DNAH5: variants seen among roughly 807,000 people sequenced by gnomAD.
DNAH5 encodes the protein axonemal beta dynein heavy chain 5.
In DNAH5, 372 loss-of-function variants were observed where a neutral mutation model predicts 518.2. That is an observed-to-expected ratio of 0.72 (90% CI 0.66 to 0.78). The LOEUF (loss-of-function observed/expected upper bound fraction) is 0.78. DNAH5 is among the 30% of genes least tolerant of loss of function. The probability of loss-of-function intolerance (pLI) is 0.00; values close to 1 mark genes in which losing one functional copy is unlikely to be tolerated. For missense variants in DNAH5, 5,523 were observed against 5,687.0 expected (o/e 0.97, Z 0.93); for synonymous variants, 2,039 against 2,025.9 (o/e 1.01, Z -0.17).
At chr5:13,973,960 A>G (rs1782053773) in intron 1 of DNAH5, among the ~76,000 whole-genome samples, 1 of 152,106 alleles carries the variant, frequency 6.6e-6, no homozygotes, top group African/African-American at 2.4e-5. Context: ...GCCAAGGATA[A>G]TTATCTAAAA....
At chr5:13,971,448 C>CT (rs1489901228) in intron 1 of DNAH5, among the ~76,000 whole-genome samples, 2 of 152,128 alleles carry the variant, frequency 1.3e-5, no homozygotes, top group East Asian at 3.9e-4. Context: ...TGTTCAGATT[C>CT]TTTTGTCCCA....
At chr5:13,935,828 G>C (rs564831601) in intron 1 of DNAH5, among the ~76,000 whole-genome samples, 12 of 152,130 alleles carry the variant, frequency 7.9e-5, no homozygotes, top group African/African-American at 2.9e-4. Flanking sequence ...GAAACACCTA[G>C]GACACTTGGA....
chr5:13,724,193 C>G (rs553998739), intron 70 of DNAH5, among the ~76,000 whole-genome samples: 1 of 152,380 alleles, frequency 6.6e-6, no homozygotes, highest in African/African-American at 2.4e-5. Flanking sequence ...GTCTCCCCAT[C>G]TTCTCAAAGT....
intron 29 of DNAH5, among the ~76,000 whole-genome samples, chr5:13,861,700 T>C (rs1768435919): frequency 6.6e-6 from 1 of 152,180 alleles, no homozygotes; most frequent in Non-Finnish European, 1.5e-5. Flanking sequence ...CTCATGCCTG[T>C]AATGCCAGCA....
intron 65 of DNAH5, among the ~76,000 whole-genome samples, chr5:13,746,888 T>C (rs1372735870): frequency 6.6e-6 from 1 of 152,070 alleles, no homozygotes; most frequent in Non-Finnish European, 1.5e-5. Context: ...TGTTTTTTTT[T>C]AATATATATT....
chr5:13,954,897 A>G (rs893692908), intron 1 of DNAH5, among the ~76,000 whole-genome samples: 1 of 152,126 alleles, frequency 6.6e-6, no homozygotes, highest in Non-Finnish European at 1.5e-5. Flanking sequence ...CTAAAGGAAA[A>G]TCATCTCAGC....
chr5:13,913,796 C>T lies in DNAH5; in HGVS notation c.1483G>A (p.Val495Ile), dbSNP rs772741955. 2 of 1,613,548 alleles carry T rather than the reference C, an allele frequency of 1.2e-6. No individual in the cohort carries two copies. The highest frequency in any genetic ancestry group is 3.3e-5 in the Admixed American group (2 of 60,002). The stretch of plus-strand genomic sequence containing the variant: ...CCTTCAATTGTGGAATCTTGCAGGA[C>T]TGAATACGTCTTGAGGGTTGTAAAG... The part of the protein sequence containing the change: ...DIFTTLKTYS[V>I]LQDSTIEGLE... The change falls in exon 11 of 79, where the codon GTC (valine) becomes ATC (isoleucine). Residue 495 changes from valine to isoleucine, a missense_variant. Physicochemically the swap from Val to Ile is conservative, Grantham distance 29. Coordinates refer to ENST00000265104, the MANE Select transcript of DNAH5 (RefSeq NM_001369.3).
intron 41 of DNAH5, among the ~76,000 whole-genome samples, chr5:13,819,116 T>A (rs1406113506): frequency 6.6e-6 from 1 of 152,250 alleles, no homozygotes; most frequent in African/African-American, 2.4e-5. Context: ...TTGTACCGTG[T>A]GCATTTAAAG....
chr5:13,913,331 G>A (rs1021347017), intron 11 of DNAH5, among the ~76,000 whole-genome samples: 1 of 151,892 alleles, frequency 6.6e-6, no homozygotes, highest in African/African-American at 2.4e-5. Flanking sequence ...TTTAATATGG[G>A]TCCAAATAAA....
chr5:13,923,568 C>G, intron 3 of DNAH5, 128 bp from the exon 4 acceptor site: 9 of 965,534 alleles, frequency 9.3e-6, no homozygotes, highest in Non-Finnish European at 1.4e-5. Flanking sequence ...ATGGGTCCAC[C>G]TCTTGAACAA....
chr5:13,960,816 G>A (rs1781124665), intron 1 of DNAH5, among the ~76,000 whole-genome samples: 1 of 152,194 alleles, frequency 6.6e-6, no homozygotes, highest in African/African-American at 2.4e-5. Flanking sequence ...ATCACAACCA[G>A]CCTCATGCTC....
intron 15 of DNAH5, among the ~76,000 whole-genome samples, chr5:13,895,873 G>C (rs1223766148): frequency 6.6e-6 from 1 of 152,012 alleles, no homozygotes; most frequent in Non-Finnish European, 1.5e-5. Flanking sequence ...AGCTGATAGT[G>C]ACTTTATCCT....
Position 13,701,412 on chromosome 5 carries a change from C to G in DNAH5, c.13363G>C (p.Gly4455Arg). 6.2e-7 allele frequency: 1 copy of G among 1,613,102 alleles called. No homozygotes were observed. The highest frequency in any genetic ancestry group is 8.5e-7 in the Non-Finnish European group (1 of 1,179,376). The change falls in exon 77 of 79, where the codon GGT becomes CGT. Residue 4455 changes from glycine to arginine, a missense_variant. Coordinates refer to ENST00000265104, the MANE Select transcript of DNAH5 (RefSeq NM_001369.3). ...KKASWISSTL[G>R]FWFTELIERN... ...TCTATAAGTTCAGTAAACCAGAAAC[C>G]CAGTGTACTAGAAATCCAAGAAGCC...
intron 32 of DNAH5, among the ~76,000 whole-genome samples, chr5:13,842,486 A>AAAGAAAGAAAGG (rs1561408097): frequency 1.7e-5 from 2 of 118,750 alleles, no homozygotes; most frequent in African/African-American, 7.0e-5. Flanking sequence ...AAAGAAAGAG[A>AAAGAAAGAAAGG]AAGAAAAGAA....
chr5:13,818,825 C>G (rs1450964869), intron 41 of DNAH5, among the ~76,000 whole-genome samples: 1 of 152,186 alleles, frequency 6.6e-6, no homozygotes, highest in Non-Finnish European at 1.5e-5. Flanking sequence ...AAATAATATG[C>G]ATCAGCCCTC....
intron 32 of DNAH5, among the ~76,000 whole-genome samples, chr5:13,842,406 G>A (rs1433619518): frequency 1.1e-5 from 1 of 92,454 alleles, no homozygotes; most frequent in Non-Finnish European, 2.2e-5. Flanking sequence ...GAAACAGAGC[G>A]AGAAAGAAAA....
Position 13,876,787 on chromosome 5 carries a change from G to A in DNAH5, c.3293C>T (p.Pro1098Leu). 6.2e-7 allele frequency: 1 copy of A among 1,613,484 alleles called. No homozygotes were observed. The highest frequency in any genetic ancestry group is 8.5e-7 in the Non-Finnish European group (1 of 1,179,704). ...DTLEIASVNL[P>L]IPVQTKNYYK... ...ATAGTTCTTGGTTTGCACGGGAATG[G>A]GTAAATTTACAGATGCTATCTCCAA... Residue 1098 changes from proline (P) to leucine (L), a missense_variant, in exon 22 of 79, where the codon CCC becomes CTC. Pro to Leu is a moderately conservative substitution (Grantham distance 98). This residue lies in a region of DNAH5 where 5,121 missense variants were observed against 5,223.3 expected (regional missense o/e 0.98). Transcript: ENST00000265104.
At chr5:13,920,395 G>C in intron 6 of DNAH5, 85 bp downstream of exon 6, 1 of 1,562,582 alleles carries the variant, frequency 6.4e-7, no homozygotes, top group South Asian at 1.1e-5. Context: ...TTAACAAATG[G>C]AATGTCGTAT....
chr5:13,746,849 TGAGA>T (rs1749410968), intron 65 of DNAH5, among the ~76,000 whole-genome samples: 1 of 152,056 alleles, frequency 6.6e-6, no homozygotes, highest in Admixed American at 6.6e-5. Flanking sequence ...AGAAACAACT[TGAGA>T]AAGTTTAAAA....
Sources: gnomAD v4.1 joint callset for allele counts (sites outside exome capture counted in the v4.1 genomes callset) on GRCh38, gnomAD v4.1.1 for gene constraint, gnomAD v4.1.1 regional missense constraint, MANE v1.5 for transcripts, NCBI Gene and HGNC (gene_info 2026-07-23, HGNC 2026-07-21) for gene names.